STXBP4: variants seen among roughly 807,000 people sequenced by gnomAD.
STXBP4 encodes syntaxin-binding protein 4.
STXBP4 carries 55 observed loss-of-function variants against 76.1 expected under a neutral mutation model. The ratio of observed to expected loss-of-function variants is 0.72; its 90% confidence interval spans 0.58 to 0.91. The LOEUF (loss-of-function observed/expected upper bound fraction) is 0.91, where lower values mean the gene tolerates loss of function less well. STXBP4 is among the 40% of genes least tolerant of loss of function. The pLI is 0.00. For synonymous variants in STXBP4, 201 were observed against 220.2 expected (o/e 0.91, Z 0.77); for missense variants, 618 against 636.9 (o/e 0.97, Z 0.32).
intron 10 of STXBP4, among the ~76,000 whole-genome samples, chr17:55,042,058 G>A (rs1460041815): frequency 6.6e-6 from 1 of 152,110 alleles, no homozygotes; most frequent in Admixed American, 6.6e-5. Context: ...ATACCCAAAA[G>A]CTAATGTGAC....
At chr17:55,097,039 A>T (rs2144997245) in intron 16 of STXBP4, among the ~76,000 whole-genome samples, 1 of 152,358 alleles carries the variant, frequency 6.6e-6, no homozygotes, top group East Asian at 1.9e-4. Flanking sequence ...AAAGTCAACA[A>T]CTGAATCTTT....
chr17:55,149,041 G>T (rs2080187010), intron 17 of STXBP4, among the ~76,000 whole-genome samples: 1 of 152,158 alleles, frequency 6.6e-6, no homozygotes, highest in Non-Finnish European at 1.5e-5. Context: ...TCTTTTACAT[G>T]TATAAGAATT....
In STXBP4 at chr17:55,093,093, C is replaced by G. The variant is rs796772870; in HGVS notation, c.1489+11910C>G. Reference sequence around the variant, plus strand: ...CACTGCAACCTCTGCCTCCTGGGTTCAAGCGATTCTCGTGCCTCAGCTTCC... The same window carrying G: ...CACTGCAACCTCTGCCTCCTGGGTTGAAGCGATTCTCGTGCCTCAGCTTCC... On this transcript the variant is annotated intron_variant, in intron 16 of 17. Coordinates refer to ENST00000376352, the MANE Select transcript of STXBP4 (RefSeq NM_178509.6). Among the ~76,000 whole-genome samples, 25 of 152,188 alleles carry G rather than the reference C, an allele frequency of 1.6e-4. 1 individual carries two copies. Among genetic ancestry groups the G allele is most frequent in the African/African-American group, 5.8e-4 (24 of 41,498 alleles).
chr17:55,100,565 T>G (rs1021434037), intron 16 of STXBP4, among the ~76,000 whole-genome samples: 4 of 152,206 alleles, frequency 2.6e-5, no homozygotes, highest in African/African-American at 7.2e-5. Flanking sequence ...AGGCCAGGAT[T>G]AACTTAAACT....
intron 16 of STXBP4, among the ~76,000 whole-genome samples, chr17:55,128,196 T>C (rs1329542767): frequency 6.6e-6 from 1 of 152,202 alleles, no homozygotes; most frequent in Non-Finnish European, 1.5e-5. Flanking sequence ...GTGCCCACTA[T>C]GTGTGAGATA....
chr17:54,995,662 G>A (rs1244647117), intron 4 of STXBP4, among the ~76,000 whole-genome samples: 1 of 152,166 alleles, frequency 6.6e-6, no homozygotes, highest in Non-Finnish European at 1.5e-5. Context: ...TTCATGCGGA[G>A]CATAGCACTG....
At chr17:55,123,586 A>G (rs553862273) in intron 16 of STXBP4, among the ~76,000 whole-genome samples, 21 of 152,294 alleles carry the variant, frequency 1.4e-4, no homozygotes, top group African/African-American at 5.1e-4. Context: ...GCAAGCAGCA[A>G]TGAGCAACAA....
At chr17:55,108,907 C>T (rs1436328009) in intron 16 of STXBP4, among the ~76,000 whole-genome samples, 1 of 152,178 alleles carries the variant, frequency 6.6e-6, no homozygotes, top group Admixed American at 6.5e-5. Context: ...TAATTCATTC[C>T]TAATTGCCCT....
At chr17:55,025,151 A>T (rs931498795) in intron 8 of STXBP4, among the ~76,000 whole-genome samples, 31 of 151,986 alleles carry the variant, frequency 2.0e-4, no homozygotes, top group African/African-American at 6.8e-4. Flanking sequence ...AAAAAAAAAA[A>T]TTTAATTTAA....
intron 11 of STXBP4, 57 bp downstream of exon 11, chr17:55,043,382 A>C (rs921926955): frequency 2.2e-5 from 23 of 1,063,898 alleles, no homozygotes; most frequent in Non-Finnish European, 2.6e-5. Context: ...AAAAGAAAAA[A>C]ATCCTATATT....
At position 55,153,701 on chromosome 17, in the gene STXBP4, A is replaced by G. The variant is rs2080241340; in HGVS notation, c.1548-6096A>G. ...TGGCTTGTAATACAATTCTATTTTA[A>G]TAAGAACACTAAAAATTAAAGTAGC... On this transcript the variant is annotated intron_variant, in intron 17 of 17. Coordinates refer to ENST00000376352, the MANE Select transcript of STXBP4 (RefSeq NM_178509.6). Among the ~76,000 whole-genome samples the G allele has an allele frequency of 3.9e-5, 6 of 152,202 alleles. No individual in the cohort carries two copies. In the South Asian group the frequency reaches 1.2e-3, roughly 31 times the overall value.
intron 16 of STXBP4, among the ~76,000 whole-genome samples, chr17:55,095,576 CAGA>C (rs2079474652): frequency 6.6e-6 from 1 of 152,160 alleles, no homozygotes; most frequent in African/African-American, 2.4e-5. Flanking sequence ...AATTCAGATC[CAGA>C]AGTTCAGTTC....
chr17:55,174,934 GA>G (rs562980736), downstream of STXBP4, among the ~76,000 whole-genome samples: 939 of 152,240 alleles, frequency 6.2e-3, 10 homozygotes, highest in African/African-American at 0.021. Flanking sequence ...TGAGGCAGGA[GA>G]ACGGCGTGAA....
chr17:55,205,990 C>T, the STXBP4 span, among the ~76,000 whole-genome samples: 26 of 151,564 alleles, frequency 1.7e-4, no homozygotes, highest in South Asian at 2.5e-3. Flanking sequence ...ATTAAATATT[C>T]GTGAATATAT....
intron 10 of STXBP4, among the ~76,000 whole-genome samples, chr17:55,042,004 A>G (rs1345290506): frequency 2.0e-5 from 3 of 152,182 alleles, no homozygotes. Context: ...AGTAACAGAG[A>G]CATAAAGAAT....
intron 8 of STXBP4, among the ~76,000 whole-genome samples, chr17:55,022,262 C>T (rs1330021041): frequency 6.6e-6 from 1 of 151,784 alleles, no homozygotes. Context: ...ATCATGAAAA[C>T]ATAAAATATG....
the STXBP4 span, among the ~76,000 whole-genome samples, chr17:55,207,364 C>T: frequency 6.6e-6 from 1 of 152,130 alleles, no homozygotes; most frequent in South Asian, 2.1e-4. Context: ...CTCAGTCCAC[C>T]TCAGTGCCCT....
intron 16 of STXBP4, among the ~76,000 whole-genome samples, chr17:55,113,232 CACA>C (rs2079742713): frequency 6.6e-6 from 1 of 150,836 alleles, no homozygotes; most frequent in Non-Finnish European, 1.5e-5. Flanking sequence ...CACACACACA[CACA>C]CACACACACA....
At chr17:55,003,975 C>T (rs1347798805) in intron 7 of STXBP4, among the ~76,000 whole-genome samples, 1 of 151,680 alleles carries the variant, frequency 6.6e-6, no homozygotes, top group Non-Finnish European at 1.5e-5. Context: ...AGTTCGAGAC[C>T]AGCCTGGCCA....
Sources: allele counts gnomAD v4.1 joint callset (sites outside exome capture counted in the v4.1 genomes callset), GRCh38; gene constraint gnomAD v4.1.1; transcripts MANE v1.5; gene names NCBI Gene and HGNC (gene_info 2026-07-23, HGNC 2026-07-21).